SERPINB10: variants seen among roughly 807,000 people sequenced by gnomAD.
The protein encoded by SERPINB10 is serpin B10.
In SERPINB10, 35 loss-of-function variants were observed where a neutral mutation model predicts 39.1. That is an observed-to-expected ratio of 0.90 (90% CI 0.68 to 1.19). SERPINB10 has a LOEUF of 1.19. SERPINB10 is among the 50% of genes most tolerant of loss of function. The probability of loss-of-function intolerance (pLI) is 0.00; values close to 1 mark genes in which losing one functional copy is unlikely to be tolerated. For missense variants in SERPINB10, 546 were observed against 460.5 expected (o/e 1.19, Z -1.70); for synonymous variants, 190 against 158.1 (o/e 1.20, Z -1.52).
chr18:63,928,283 T>G (rs977986445), intron 5 of SERPINB10, among the ~76,000 whole-genome samples: 26 of 152,056 alleles, frequency 1.7e-4, no homozygotes, highest in African/African-American at 6.0e-4. Context: ...CTCAATCCAG[T>G]TTTATCTACC....
Position 63,917,523 on chromosome 18 carries a change from T to C in SERPINB10, c.234+2T>C, listed in dbSNP as rs867852658. 2.0e-6 allele frequency: 3 copies of C among 1,523,778 alleles called. No individual in the cohort carries two copies. Among genetic ancestry groups the C allele is most frequent in the Non-Finnish European group, 2.7e-6 (3 of 1,116,344 alleles). The allele number at this position is 1,523,778 out of a possible 1,614,324, so 94.4% of individuals were successfully genotyped here. A position where few individuals can be genotyped will look rare whatever the true frequency, so the allele number is the denominator to read the frequency against. ...GAAAGTGAAAAAAAAAGGAAAATGGTATATCTTATCCTTTAATATATATTT... is the reference window on the plus strand; with the variant it reads ...GAAAGTGAAAAAAAAAGGAAAATGGCATATCTTATCCTTTAATATATATTT... On this transcript the variant is annotated splice_donor_variant, in intron 3 of 7. Transcript: ENST00000238508. LOFTEE classifies it high-confidence loss of function.
chr18:63,921,624 C>G (rs1057459220), intron 5 of SERPINB10, among the ~76,000 whole-genome samples: 2 of 151,906 alleles, frequency 1.3e-5, no homozygotes. Flanking sequence ...CATTTACCAC[C>G]CAAATTACCT....
At position 63,920,428 on chromosome 18, in the gene SERPINB10, T is replaced by C. The variant is rs570170026; in HGVS notation, c.490+523T>C. ...ATAATAGTTCAAAGGTAGTTAGGCA[T>C]CCTGGCTTAGAGAGAGCATTTTGCC... On this transcript the variant is annotated intron_variant, in intron 5 of 7. Coordinates refer to ENST00000238508, the MANE Select transcript of SERPINB10 (RefSeq NM_005024.3). 5.3e-5 allele frequency among the ~76,000 whole-genome samples: 8 copies of C among 152,114 alleles called. No individual in the cohort carries two copies. In the East Asian group the frequency reaches 1.4e-3, roughly 26 times the overall value.
At position 63,915,539 on chromosome 18, in the gene SERPINB10, A is replaced by T. The variant is rs1432835657; in HGVS notation, c.29A>T (p.Gln10Leu). The change falls in exon 2 of 8, where the codon CAG becomes CTG. Residue 10 changes from glutamine (Q) to leucine (L), a missense_variant. Coordinates refer to ENST00000238508, the MANE Select transcript of SERPINB10 (RefSeq NM_005024.3). Reference sequence around the variant, plus strand: ...GACTCTCTAGCAACATCAATCAACCAGTTTGCCCTGGAGTTGAGCAAAAAG... The same window carrying T: ...GACTCTCTAGCAACATCAATCAACCTGTTTGCCCTGGAGTTGAGCAAAAAG... MDSLATSINQFALELSKKLA... is the reference protein window; with the variant it reads MDSLATSINLFALELSKKLA... 6.2e-7 allele frequency: 1 copy of T among 1,612,488 alleles called. No homozygotes were observed. Among genetic ancestry groups the T allele is most frequent in the Non-Finnish European group, 8.5e-7 (1 of 1,179,030 alleles).
chr18:63,912,126 C>A (rs1219650025), intron 1 of SERPINB10, among the ~76,000 whole-genome samples: 1 of 151,674 alleles, frequency 6.6e-6, no homozygotes, highest in Non-Finnish European at 1.5e-5. Context: ...TTTTGTACGT[C>A]GATTTTGTGT....
intron 5 of SERPINB10, among the ~76,000 whole-genome samples, chr18:63,927,492 G>C (rs2086318029): frequency 2.6e-5 from 4 of 152,032 alleles, no homozygotes; most frequent in Admixed American, 2.6e-4. Context: ...GTGTGGCTAG[G>C]GCTTGCTCTA....
intron 1 of SERPINB10, 141 bp downstream of exon 1, chr18:63,908,181 T>C: frequency 5.4e-6 from 1 of 185,360 alleles, no homozygotes; most frequent in Non-Finnish European, 1.3e-5. Flanking sequence ...CCCTTAAGAA[T>C]TTGTCTGTAT....
intron 6 of SERPINB10, 29 bp from the exon 7 acceptor site, chr18:63,933,019 C>CTGTTTTTT (rs147237989): frequency 1.9e-6 from 3 of 1,598,908 alleles, no homozygotes; most frequent in Non-Finnish European, 2.6e-6. Context: ...ACCTTGTTAC[C>CTGTTTTTT]TGTTTTTTTG....
At chr18:63,930,824 C>T (rs896667909) in intron 6 of SERPINB10, among the ~76,000 whole-genome samples, 1 of 152,168 alleles carries the variant, frequency 6.6e-6, no homozygotes, top group East Asian at 1.9e-4. Context: ...CTCACAGGAC[C>T]TTCGCCATTC....
intron 5 of SERPINB10, among the ~76,000 whole-genome samples, chr18:63,922,930 A>G (rs2050156593): frequency 1.3e-5 from 2 of 151,996 alleles, no homozygotes; most frequent in African/African-American, 4.8e-5. Flanking sequence ...CATATTAGAC[A>G]GCATAAGTCT....
chr18:63,916,612 T>C (rs963166378), intron 2 of SERPINB10, among the ~76,000 whole-genome samples: 1 of 152,120 alleles, frequency 6.6e-6, no homozygotes, highest in African/African-American at 2.4e-5. Flanking sequence ...AACTTGTTAA[T>C]GACAGGTTCA....
intron 5 of SERPINB10, among the ~76,000 whole-genome samples, chr18:63,921,712 G>A (rs2050148024): frequency 6.6e-6 from 1 of 151,818 alleles, no homozygotes; most frequent in African/African-American, 2.4e-5. Flanking sequence ...CATGACCTAT[G>A]GGATCAACAC....
intron 1 of SERPINB10, among the ~76,000 whole-genome samples, chr18:63,908,460 C>G (rs915614575): frequency 2.6e-5 from 4 of 151,974 alleles, no homozygotes; most frequent in African/African-American, 9.7e-5. Flanking sequence ...GAAATGTGAG[C>G]TTGGCACCCT....
Position 63,930,146 on chromosome 18 carries a change from T to A in SERPINB10, c.592T>A (p.Leu198Ile), listed in dbSNP as rs1179765746. ...TAAAGGAATCTGGGAACATCAATTC[T>A]TAGTGCAAAACACCACAGAAAAGCC... The part of the protein sequence containing the change: ...YFKGIWEHQF[L>I]VQNTTEKPFR... The change falls in exon 6 of 8, where the codon TTA becomes ATA. Residue 198 changes from leucine (L) to isoleucine (I), a missense_variant. Coordinates refer to ENST00000238508, the MANE Select transcript of SERPINB10 (RefSeq NM_005024.3). 1.2e-6 allele frequency: 2 copies of A among 1,613,438 alleles called. No homozygotes were observed. The highest frequency in any genetic ancestry group is 2.7e-5 in the African/African-American group (2 of 74,906).
intron 5 of SERPINB10, among the ~76,000 whole-genome samples, chr18:63,924,219 A>G (rs149566019): frequency 6.6e-6 from 1 of 152,046 alleles, no homozygotes; most frequent in Admixed American, 6.6e-5. Flanking sequence ...TAACTTGTCT[A>G]TGGTCACTGT....
rs200303076 is a variant in SERPINB10, at chr18:63,917,525, T to C, written c.234+4T>C. ...AAGTGAAAAAAAAAGGAAAATGGTA[T>C]ATCTTATCCTTTAATATATATTTCA... On this transcript the variant is annotated splice_donor_region_variant and intron_variant, in intron 3 of 7. Transcript: ENST00000238508. 5 of 1,489,240 alleles carry C rather than the reference T, an allele frequency of 3.4e-6. No individual in the cohort carries two copies. The highest frequency in any genetic ancestry group is 2.8e-5 in the African/African-American group (2 of 70,196). 92.3% of individuals were successfully genotyped at this position (1,489,240 alleles called of 1,614,324 possible). A position where few individuals can be genotyped will look rare whatever the true frequency, so the allele number is the denominator to read the frequency against.
intron 1 of SERPINB10, among the ~76,000 whole-genome samples, chr18:63,914,136 T>C (rs909135183): frequency 7.2e-5 from 11 of 152,126 alleles, no homozygotes; most frequent in African/African-American, 2.7e-4. Context: ...CTCCAACCAC[T>C]TAGTTTAAGC....
chr18:63,917,053 A>AC (rs2050108771), intron 2 of SERPINB10, among the ~76,000 whole-genome samples: 1 of 151,916 alleles, frequency 6.6e-6, no homozygotes, highest in South Asian at 2.1e-4. Context: ...TAGAAAAAAA[A>AC]CAACTAAAAT....
In SERPINB10 at chr18:63,934,959, C is replaced by T; in HGVS notation, c.911C>T (p.Ser304Leu). The T allele has an allele frequency of 6.2e-7, 1 of 1,614,206 alleles. No individual in the cohort carries two copies. Among genetic ancestry groups the T allele is most frequent in the Non-Finnish European group, 8.5e-7 (1 of 1,180,042 alleles). The change falls in exon 8 of 8, where the codon TCA becomes TTA. Residue 304 changes from serine to leucine, a missense_variant. Coordinates refer to ENST00000238508, the MANE Select transcript of SERPINB10 (RefSeq NM_005024.3). ...FKLEDSYDLK[S>L]TLSSMGMSDA... ...CTGGAAGACAGTTATGATCTCAAGT[C>T]AACCCTGAGCAGTATGGGGATGAGT...
Sources: allele counts gnomAD v4.1 joint callset (sites outside exome capture counted in the v4.1 genomes callset), GRCh38; gene constraint gnomAD v4.1.1; transcripts MANE v1.5; gene names NCBI Gene and HGNC (gene_info 2026-07-23, HGNC 2026-07-21).